Variants in NDST3 observed in about 807,000 individuals in gnomAD.
The protein encoded by NDST3 is N-deacetylase and N-sulfotransferase 3.
Under a neutral mutation model 96.1 loss-of-function variants are expected in NDST3, and 58 were observed. The ratio of observed to expected loss-of-function variants is 0.60; its 90% confidence interval spans 0.49 to 0.75. NDST3 has a LOEUF of 0.75. Ranked by LOEUF, NDST3 falls within the 30% of genes least tolerant of loss-of-function variation. The pLI, the probability that NDST3 is intolerant of heterozygous loss-of-function variation, is 0.00. For synonymous variants in NDST3, 333 were observed against 359.7 expected (o/e 0.93, Z 0.84); for missense variants, 788 against 1,034.2 (o/e 0.76, Z 3.27).
intron 9 of NDST3, among the ~76,000 whole-genome samples, chr4:118,233,343 G>A (rs930537580): frequency 6.6e-5 from 10 of 152,052 alleles, no homozygotes; most frequent in Non-Finnish European, 1.3e-4. Flanking sequence ...ATACCAAGAG[G>A]ATCACATGTA....
chr4:118,096,651 T>C (rs1232778606), intron 2 of NDST3, among the ~76,000 whole-genome samples: 1 of 146,580 alleles, frequency 6.8e-6, no homozygotes, highest in African/African-American at 2.5e-5. Context: ...TACTCCATTA[T>C]GGCTAGAGTA....
intron 6 of NDST3, among the ~76,000 whole-genome samples, chr4:118,202,830 C>A (rs1303226676): frequency 2.0e-5 from 3 of 152,156 alleles, no homozygotes; most frequent in Non-Finnish European, 4.4e-5. Flanking sequence ...ATTGTTCCAG[C>A]TATGACTTCC....
intron 2 of NDST3, among the ~76,000 whole-genome samples, chr4:118,064,334 A>G (rs1237306190): frequency 6.6e-6 from 1 of 152,172 alleles, no homozygotes; most frequent in Non-Finnish European, 1.5e-5. Context: ...TCTGGGAAAC[A>G]TGAATTAGTA....
chr4:118,153,476 T>G (rs993565685), intron 6 of NDST3, among the ~76,000 whole-genome samples: 5 of 152,208 alleles, frequency 3.3e-5, no homozygotes, highest in Admixed American at 2.6e-4. Flanking sequence ...AAATACATTA[T>G]GTAATAAAAT....
intron 6 of NDST3, among the ~76,000 whole-genome samples, chr4:118,158,043 G>A (rs1255286691): frequency 1.3e-5 from 2 of 152,022 alleles, no homozygotes; most frequent in Non-Finnish European, 2.9e-5. Context: ...TGATGCTGTT[G>A]GGAACTGAGT....
At chr4:118,209,601 G>C (rs11941660) in intron 6 of NDST3, among the ~76,000 whole-genome samples, 101 of 152,316 alleles carry the variant, frequency 6.6e-4, no homozygotes, top group African/African-American at 2.3e-3. Context: ...GGCTGAACTT[G>C]CAGTTCTGAA....
intron 2 of NDST3, among the ~76,000 whole-genome samples, chr4:118,055,946 C>CAG (rs1450825466): frequency 7.9e-5 from 12 of 151,712 alleles, no homozygotes; most frequent in Middle Eastern, 3.2e-3. Flanking sequence ...AGTGTGAAGA[C>CAG]TGAAAAGAAA....
intron 12 of NDST3, among the ~76,000 whole-genome samples, chr4:118,250,487 CT>C (rs775929321): frequency 0.012 from 1,690 of 143,690 alleles, 24 homozygotes; most frequent in Middle Eastern, 0.086. Flanking sequence ...CTGTTCCAAT[CT>C]TTTTTTTTTT....
chr4:118,083,729 C>T (rs116730759), intron 2 of NDST3, among the ~76,000 whole-genome samples: 266 of 152,286 alleles, frequency 1.7e-3, no homozygotes, highest in African/African-American at 6.1e-3. Context: ...TCCTTCTTAA[C>T]AGCATTCTCA....
intron 6 of NDST3, among the ~76,000 whole-genome samples, chr4:118,176,397 A>G (rs922302806): frequency 6.6e-6 from 1 of 152,150 alleles, no homozygotes; most frequent in African/African-American, 2.4e-5. Context: ...GCAGATAGAA[A>G]GTTGCATATT....
At position 118,095,314 on chromosome 4, in the gene NDST3, T is replaced by C. The variant is rs1380264089; in HGVS notation, c.982-9704T>C. Among the ~76,000 whole-genome samples the C allele has an allele frequency of 4.0e-5, 6 of 151,870 alleles. No individual in the cohort carries two copies. In the East Asian group the frequency reaches 1.2e-3, roughly 29 times the overall value. On this transcript the variant is annotated intron_variant, in intron 2 of 13. Transcript: ENST00000296499. ...GTGAGTAGGAAAGGAAATGATACAA[T>C]ATAAGGCCTAAGGCAAGGACCAAGT...
chr4:118,117,871 A>G (rs1731247156), intron 4 of NDST3, among the ~76,000 whole-genome samples: 1 of 152,186 alleles, frequency 6.6e-6, no homozygotes, highest in South Asian at 2.1e-4. Flanking sequence ...TGGTAATCCA[A>G]GGGAATATCT....
At chr4:118,042,490 G>A (rs1724526032) in intron 1 of NDST3, among the ~76,000 whole-genome samples, 1 of 152,026 alleles carries the variant, frequency 6.6e-6, no homozygotes, top group Admixed American at 6.6e-5. Context: ...ATCATTCTGG[G>A]TGTCACTACT....
chr4:118,194,861 G>T (rs1027619380), intron 6 of NDST3: 2 of 298,580 alleles, frequency 6.7e-6, no homozygotes. Flanking sequence ...CTGTGGTGCT[G>T]ACTGCGGACC....
chr4:118,105,904 G>T (rs1730141932), intron 3 of NDST3, among the ~76,000 whole-genome samples: 1 of 152,118 alleles, frequency 6.6e-6, no homozygotes, highest in South Asian at 2.1e-4. Context: ...TTTTCAAAAT[G>T]GTTGTACCTG....
chr4:118,200,634 C>T (rs925575927), intron 6 of NDST3, among the ~76,000 whole-genome samples: 4 of 152,022 alleles, frequency 2.6e-5, no homozygotes, highest in African/African-American at 7.2e-5. Flanking sequence ...AAAAGATAAG[C>T]GGATTTAATT....
rs1367372987 is a variant in NDST3, at chr4:118,224,660, A to G, written c.1709A>G (p.Asp570Gly). The G allele has an allele frequency of 1.9e-6, 3 of 1,598,284 alleles. No individual in the cohort carries two copies. Among genetic ancestry groups the G allele is most frequent in the Non-Finnish European group, 2.6e-6 (3 of 1,171,986 alleles). The change falls in exon 7 of 14, where the codon GAC becomes GGC. Residue 570 changes from aspartate to glycine, a missense_variant. Coordinates refer to ENST00000296499, the MANE Select transcript of NDST3 (RefSeq NM_004784.3). ...TTTGAGCTGTTTCCTGATCAGAAAG[A>G]CCCTCTCTGGCAGGTAAAATTAATT... Reference protein sequence around the residue: ...KYFELFPDQKDPLWQNPCDDK... With the variant: ...KYFELFPDQKGPLWQNPCDDK...
intron 2 of NDST3, among the ~76,000 whole-genome samples, chr4:118,063,735 C>A (rs1726085197): frequency 6.6e-6 from 1 of 152,140 alleles, no homozygotes; most frequent in Admixed American, 6.5e-5. Context: ...TTATAAGCAG[C>A]ATCATTTTAC....
chr4:118,120,943 C>A (rs1445779736), intron 4 of NDST3, among the ~76,000 whole-genome samples: 1 of 152,150 alleles, frequency 6.6e-6, no homozygotes, highest in African/African-American at 2.4e-5. Flanking sequence ...TTTACACCAT[C>A]ATATCACACC....
Sources: gnomAD v4.1 joint callset for allele counts (sites outside exome capture counted in the v4.1 genomes callset) on GRCh38, gnomAD v4.1.1 for gene constraint, MANE v1.5 for transcripts, NCBI Gene and HGNC (gene_info 2026-07-23, HGNC 2026-07-21) for gene names.